The following VWA3B variants were observed in gnomAD, a reference collection of about 807,000 sequenced individuals.
VWA3B encodes the protein von Willebrand factor A domain containing 3B.
In VWA3B, 138 loss-of-function variants were observed where a neutral mutation model predicts 158.3. That is an observed-to-expected ratio of 0.87 (90% CI 0.76 to 1.00). The LOEUF (loss-of-function observed/expected upper bound fraction) is 1.00, where lower values mean the gene tolerates loss of function less well. VWA3B is among the 50% of genes least tolerant of loss of function. The probability of loss-of-function intolerance (pLI) is 0.00; values close to 1 mark genes in which losing one functional copy is unlikely to be tolerated. For synonymous variants in VWA3B, 596 were observed against 587.3 expected (o/e 1.01, Z -0.21); for missense variants, 1,555 against 1,565.1 (o/e 0.99, Z 0.11).
intron 2 of VWA3B, among the ~76,000 whole-genome samples, chr2:98,112,710 A>T (rs922902142): frequency 1.3e-5 from 2 of 151,582 alleles, no homozygotes; most frequent in African/African-American, 4.8e-5. Context: ...GAAATTTTCA[A>T]CTATTATTTC....
chr2:98,257,739 G>T (rs1299558770), intron 21 of VWA3B, among the ~76,000 whole-genome samples: 4 of 151,768 alleles, frequency 2.6e-5, no homozygotes, highest in Admixed American at 2.6e-4. Flanking sequence ...TGTTTTTGTT[G>T]TATAACTTCT....
intron 6 of VWA3B, among the ~76,000 whole-genome samples, chr2:98,132,358 G>A (rs1444179982): frequency 6.6e-6 from 1 of 152,212 alleles, no homozygotes; most frequent in Non-Finnish European, 1.5e-5. Context: ...CCCAGCTGGA[G>A]GGCAGTTATT....
At chr2:98,140,081 C>T (rs1186008005) in intron 7 of VWA3B, among the ~76,000 whole-genome samples, 3 of 152,094 alleles carry the variant, frequency 2.0e-5, no homozygotes, top group Non-Finnish European at 4.4e-5. Context: ...CACTCCTGAG[C>T]CAGCGAGACC....
chr2:98,298,021 C>A lies in VWA3B; in HGVS notation c.3272C>A (p.Pro1091Gln). The change falls in exon 24 of 28, where the codon CCG becomes CAG. Residue 1091 changes from proline to glutamine, a missense_variant. Pro to Gln is a moderately conservative substitution (Grantham distance 76). Coordinates refer to ENST00000477737, the MANE Select transcript of VWA3B (RefSeq NM_144992.5). ...ITPVGGAMPC[P>Q]LLQVGDYVFA... ...CCTGTGGGGGGCGCCATGCCCTGCC[C>A]GCTGCTCCAGGTACCCAGTCCCTGA... 1 of 1,561,638 alleles carries A rather than the reference C, an allele frequency of 6.4e-7. No homozygotes were observed. Among genetic ancestry groups the A allele is most frequent in the Non-Finnish European group, 8.7e-7 (1 of 1,155,326 alleles).
chr2:98,318,276 T>C (rs949826736), downstream of VWA3B, among the ~76,000 whole-genome samples: 81 of 152,224 alleles, frequency 5.3e-4, no homozygotes, highest in African/African-American at 1.9e-3. Flanking sequence ...TATGTGTATG[T>C]TTATTTCAGT....
At chr2:98,277,958 A>G (rs1445043840) in intron 22 of VWA3B, among the ~76,000 whole-genome samples, 3 of 151,744 alleles carry the variant, frequency 2.0e-5, no homozygotes, top group Admixed American at 6.6e-5. Flanking sequence ...CTTCAATTGT[A>G]ACTTTTTTTT....
chr2:98,114,937 T>A (rs1321243275), intron 2 of VWA3B, among the ~76,000 whole-genome samples: 1 of 152,330 alleles, frequency 6.6e-6, no homozygotes, highest in Middle Eastern at 3.4e-3. Context: ...GGAGAAAATC[T>A]TGTAGTTCTG....
chr2:98,195,898 T>C (rs1374110007), intron 12 of VWA3B, among the ~76,000 whole-genome samples: 1 of 152,172 alleles, frequency 6.6e-6, no homozygotes, highest in Non-Finnish European at 1.5e-5. Context: ...ATAAAGAAAA[T>C]GTGGCATATA....
intron 14 of VWA3B, among the ~76,000 whole-genome samples, chr2:98,224,876 A>G (rs1239287513): frequency 6.6e-6 from 1 of 152,244 alleles, no homozygotes; most frequent in African/African-American, 2.4e-5. Context: ...CCTCAACAAA[A>G]TATTAGTAAA....
chr2:98,240,410 C>A (rs1686001717), intron 19 of VWA3B, among the ~76,000 whole-genome samples: 1 of 152,152 alleles, frequency 6.6e-6, no homozygotes, highest in African/African-American at 2.4e-5. Context: ...TAACAGGTAT[C>A]TTTGCACGTA....
At chr2:98,097,222 C>T (rs940090475) in intron 2 of VWA3B, among the ~76,000 whole-genome samples, 5 of 151,996 alleles carry the variant, frequency 3.3e-5, no homozygotes, top group African/African-American at 1.2e-4. Flanking sequence ...CACATTGGAC[C>T]CAATATTTAG....
intron 21 of VWA3B, among the ~76,000 whole-genome samples, chr2:98,257,932 A>G (rs1425603765): frequency 6.6e-6 from 1 of 151,916 alleles, no homozygotes; most frequent in African/African-American, 2.4e-5. Flanking sequence ...CCATTGCCAA[A>G]TACAAAATCA....
At chr2:98,170,895 G>A (rs1283760555) in intron 8 of VWA3B, among the ~76,000 whole-genome samples, 5 of 152,174 alleles carry the variant, frequency 3.3e-5, no homozygotes, top group Non-Finnish European at 7.4e-5. Flanking sequence ...GTGAGCCACC[G>A]TGCCCGACCA....
chr2:98,198,654 AATGTCCTC>A (rs1298164473), intron 12 of VWA3B, among the ~76,000 whole-genome samples: 3 of 152,110 alleles, frequency 2.0e-5, no homozygotes, highest in Non-Finnish European at 4.4e-5. Context: ...TCACTCCCAA[AATGTCCTC>A]ATATGCCCCT....
At chr2:98,316,404 A>G (rs1309351496), downstream of VWA3B, among the ~76,000 whole-genome samples, 1 of 152,142 alleles carries the variant, frequency 6.6e-6, no homozygotes, top group Non-Finnish European at 1.5e-5. Context: ...GCACTTTGGG[A>G]GGCCAAAACT....
intron 12 of VWA3B, among the ~76,000 whole-genome samples, chr2:98,195,786 C>G (rs1169661333): frequency 2.0e-5 from 3 of 152,118 alleles, no homozygotes; most frequent in Non-Finnish European, 1.5e-5. Context: ...GCTAAAAACA[C>G]ATATTCCTAT....
chr2:98,179,697 CTTTT>C (rs1270161183), intron 8 of VWA3B, among the ~76,000 whole-genome samples: 7 of 151,288 alleles, frequency 4.6e-5, no homozygotes, highest in Non-Finnish European at 1.0e-4. Flanking sequence ...CTCTTCCTTT[CTTTT>C]TCTTTCTTTC....
chr2:98,242,107 G>T (rs1266968439), intron 19 of VWA3B: 2 of 343,564 alleles, frequency 5.8e-6, no homozygotes, highest in African/African-American at 2.1e-5. Flanking sequence ...AATCTTAATT[G>T]CGTCCTCCTC....
intron 26 of VWA3B, among the ~76,000 whole-genome samples, chr2:98,310,084 A>T (rs1237987970): frequency 6.6e-6 from 1 of 152,142 alleles, no homozygotes; most frequent in Non-Finnish European, 1.5e-5. Flanking sequence ...TTGCTTATCC[A>T]TTTCTTCATT....
Sources: gnomAD v4.1 joint callset for allele counts (sites outside exome capture counted in the v4.1 genomes callset) on GRCh38, gnomAD v4.1.1 for gene constraint, MANE v1.5 for transcripts, NCBI Gene and HGNC (gene_info 2026-07-23, HGNC 2026-07-21) for gene names.